The following FHIT variants were observed in gnomAD, a reference collection of about 807,000 sequenced individuals.
FHIT encodes bis(5'-adenosyl)-triphosphatase.
Under a neutral mutation model 17.9 loss-of-function variants are expected in FHIT, and 19 were observed. The observed-to-expected ratio is 1.06, with a 90% CI of 0.74 to 1.56. The LOEUF (loss-of-function observed/expected upper bound fraction) is 1.56, where lower values mean the gene tolerates loss of function less well. Ranked by LOEUF, FHIT falls within the 40% of genes most tolerant of loss-of-function variation. FHIT has a pLI of 0.00. For synonymous variants in FHIT, 81 were observed against 69.7 expected (o/e 1.16, Z -0.81); for missense variants, 248 against 189.2 (o/e 1.31, Z -1.82).
chr3:60,433,775 T>C (rs979275982), intron 5 of FHIT, among the ~76,000 whole-genome samples: 2 of 152,170 alleles, frequency 1.3e-5, no homozygotes, highest in Non-Finnish European at 2.9e-5. Context: ...TTGAGTGGAT[T>C]TTTTTGGCTA....
chr3:60,586,196 C>T (rs563887553), intron 4 of FHIT, among the ~76,000 whole-genome samples: 1 of 151,864 alleles, frequency 6.6e-6, no homozygotes, highest in Non-Finnish European at 1.5e-5. Context: ...CTGCTGAGTT[C>T]TTTTACATCT....
chr3:60,467,402 T>C (rs2032858275), intron 5 of FHIT, among the ~76,000 whole-genome samples: 1 of 152,004 alleles, frequency 6.6e-6, no homozygotes, highest in Non-Finnish European at 1.5e-5. Context: ...TTCACTTGCT[T>C]TTCTAGTTGT....
chr3:60,281,976 G>C (rs1707480531), intron 5 of FHIT, among the ~76,000 whole-genome samples: 1 of 152,116 alleles, frequency 6.6e-6, no homozygotes, highest in Non-Finnish European at 1.5e-5. Flanking sequence ...TACCTATTAG[G>C]ATAGCTAAAT....
At chr3:60,892,443 G>C (rs1705565711) in intron 3 of FHIT, among the ~76,000 whole-genome samples, 2 of 152,170 alleles carry the variant, frequency 1.3e-5, no homozygotes, top group East Asian at 1.9e-4. Flanking sequence ...CTCCACCCTT[G>C]GAGCTTTACC....
chr3:59,811,517 T>A (rs1409721549), intron 8 of FHIT, among the ~76,000 whole-genome samples: 1 of 152,232 alleles, frequency 6.6e-6, no homozygotes, highest in Non-Finnish European at 1.5e-5. Flanking sequence ...GATAAAAATT[T>A]CCACGGGTGA....
intron 8 of FHIT, among the ~76,000 whole-genome samples, chr3:59,882,281 A>G (rs1416869235): frequency 6.6e-6 from 1 of 152,214 alleles, no homozygotes; most frequent in African/African-American, 2.4e-5. Context: ...GGAAGTATAA[A>G]GTTAATATCG....
Position 60,382,696 on chromosome 3 carries a change from T to A in FHIT, c.103+154164A>T, listed in dbSNP as rs575995813. On this transcript the variant is annotated intron_variant, in intron 5 of 9. Coordinates refer to ENST00000492590, the MANE Select transcript of FHIT (RefSeq NM_002012.4). ...CCAATAATCTAATCAGAGGTTTTTT[T>A]ACCCCCACTTAGGAATTGTTTTTTG... Among the ~76,000 whole-genome samples the A allele has an allele frequency of 3.4e-4, 52 of 152,326 alleles. No homozygotes were observed. The South Asian group carries it at 9.3e-3, about 27-fold the overall frequency.
At chr3:61,241,315 A>G (rs2040368349) in intron 1 of FHIT, among the ~76,000 whole-genome samples, 1 of 152,178 alleles carries the variant, frequency 6.6e-6, no homozygotes, top group Non-Finnish European at 1.5e-5. Flanking sequence ...CTCCAAACGC[A>G]TAGGTAAACT....
At chr3:61,089,691 T>G (rs2035419176) in intron 2 of FHIT, among the ~76,000 whole-genome samples, 1 of 152,168 alleles carries the variant, frequency 6.6e-6, no homozygotes. Flanking sequence ...GGGACTAGGA[T>G]AGCAGTTGTC....
intron 5 of FHIT, among the ~76,000 whole-genome samples, chr3:60,086,993 A>G (rs1045530327): frequency 6.6e-6 from 1 of 152,212 alleles, no homozygotes; most frequent in African/African-American, 2.4e-5. Context: ...TCAGAGATCT[A>G]TGAGTCATCT....
At position 60,006,193 on chromosome 3, in the gene FHIT, T is replaced by C. The variant is rs918812584; in HGVS notation, c.279+5178A>G. On this transcript the variant is annotated intron_variant, in intron 7 of 9. Coordinates refer to ENST00000492590, the MANE Select transcript of FHIT (RefSeq NM_002012.4). The stretch of plus-strand genomic sequence containing the variant: ...AATGTTCGGACAGAGAGGGCCAGTA[T>C]TATTTTCCCCAATTAAGAAGGCAGA... Among the ~76,000 whole-genome samples, 11 of 152,202 alleles carry C rather than the reference T, an allele frequency of 7.2e-5. No homozygotes were observed. In the South Asian group the frequency reaches 2.1e-3, roughly 29 times the overall value.
At chr3:59,933,436 C>T (rs1395233343) in intron 7 of FHIT, among the ~76,000 whole-genome samples, 1 of 152,084 alleles carries the variant, frequency 6.6e-6, no homozygotes, top group Non-Finnish European at 1.5e-5. Context: ...ATTATCACAT[C>T]CTCACCAAAA....
At chr3:59,768,286 T>C (rs899507724) in intron 8 of FHIT, among the ~76,000 whole-genome samples, 2 of 152,228 alleles carry the variant, frequency 1.3e-5, no homozygotes, top group African/African-American at 2.4e-5. Context: ...GACTTACTGG[T>C]CCTGGACATG....
At chr3:60,792,404 G>A (rs1218865353) in intron 4 of FHIT, among the ~76,000 whole-genome samples, 9 of 152,086 alleles carry the variant, frequency 5.9e-5, no homozygotes, top group African/African-American at 7.2e-5. Flanking sequence ...TCATGCTGTC[G>A]ACAGCCACTC....
At chr3:60,722,673 A>T (rs1022539515) in intron 4 of FHIT, among the ~76,000 whole-genome samples, 8 of 151,996 alleles carry the variant, frequency 5.3e-5, no homozygotes, top group African/African-American at 1.9e-4. Context: ...TCTTGGGGGA[A>T]AAATCATACT....
intron 5 of FHIT, among the ~76,000 whole-genome samples, chr3:60,118,573 T>A (rs997769337): frequency 6.6e-6 from 1 of 152,040 alleles, no homozygotes; most frequent in Non-Finnish European, 1.5e-5. Flanking sequence ...TACTTTAGAA[T>A]CTTTGGTCTC....
At chr3:60,854,005 AG>A (rs1178351817) in intron 3 of FHIT, among the ~76,000 whole-genome samples, 12 of 152,208 alleles carry the variant, frequency 7.9e-5, no homozygotes, top group African/African-American at 2.6e-4. Flanking sequence ...ACCAAACAAA[AG>A]TAAGCATAAT....
rs71089599 is a variant in FHIT, at chr3:60,359,277, C to CTTTT, written c.103+177579_103+177582dup. The stretch of plus-strand genomic sequence containing the variant: ...TATTATTACTTGAATATGAAAATAT[C>CTTTT]TTTTTTTTTTTTTTTTTTTTTTGAG... On this transcript the variant is annotated intron_variant, in intron 5 of 9. Transcript: ENST00000492590. 1.9e-3 allele frequency among the ~76,000 whole-genome samples: 207 copies of CTTTT among 109,910 alleles called. 1 individual carries two copies. The highest frequency in any genetic ancestry group is 2.9e-3 in the Non-Finnish European group (162 of 55,280). The allele number at this position is 109,910 out of a possible 152,430, so 72.1% of individuals were successfully genotyped here. A position where few individuals can be genotyped will look rare whatever the true frequency, so the allele number is the denominator to read the frequency against.
At chr3:60,797,736 T>C (rs1701034449) in intron 4 of FHIT, among the ~76,000 whole-genome samples, 1 of 150,446 alleles carries the variant, frequency 6.6e-6, no homozygotes, top group Admixed American at 6.7e-5. Context: ...AAACTAGAAA[T>C]TGTTTTATTT....
Sources: gnomAD v4.1 joint callset for allele counts (sites outside exome capture counted in the v4.1 genomes callset) on GRCh38, gnomAD v4.1.1 for gene constraint, MANE v1.5 for transcripts, NCBI Gene and HGNC (gene_info 2026-07-23, HGNC 2026-07-21) for gene names.